Variants in FHIT observed in about 807,000 individuals in gnomAD.
The protein encoded by FHIT is fragile histidine triad diadenosine triphosphatase.
In FHIT, 19 loss-of-function variants were observed where a neutral mutation model predicts 17.9. The observed-to-expected ratio is 1.06, with a 90% confidence interval of 0.74 to 1.56. FHIT has a LOEUF of 1.56. Among genes scored for constraint, FHIT ranks in the 40% most tolerant of loss-of-function variants. The probability of loss-of-function intolerance (pLI) is 0.00; values close to 1 mark genes in which losing one functional copy is unlikely to be tolerated. For synonymous variants in FHIT, 81 were observed against 69.7 expected (o/e 1.16, Z -0.81); for missense variants, 248 against 189.2 (o/e 1.31, Z -1.82).
At chr3:60,273,068 C>A (rs527620460) in intron 5 of FHIT, among the ~76,000 whole-genome samples, 51 of 152,268 alleles carry the variant, frequency 3.3e-4, no homozygotes, top group African/African-American at 1.1e-3. Flanking sequence ...TGGTTTCTTA[C>A]AACATTAGGC....
At chr3:60,011,333 G>T (rs572887410) in intron 7 of FHIT, 38 bp downstream of exon 7, 4 of 1,598,458 alleles carry the variant, frequency 2.5e-6, no homozygotes, top group Admixed American at 1.7e-5. Flanking sequence ...TCTCATAATC[G>T]CCTCTTATTA....
At chr3:59,812,041 G>A (rs2107048496) in intron 8 of FHIT, among the ~76,000 whole-genome samples, 1 of 152,274 alleles carries the variant, frequency 6.6e-6, no homozygotes, top group East Asian at 1.9e-4. Context: ...AACTGGGGGA[G>A]ATTCTGCCCC....
At chr3:60,604,653 C>G (rs1488528944) in intron 4 of FHIT, among the ~76,000 whole-genome samples, 1 of 152,136 alleles carries the variant, frequency 6.6e-6, no homozygotes, top group Non-Finnish European at 1.5e-5. Context: ...ATCAGCTCCC[C>G]TTCTATGCAG....
At chr3:60,929,991 A>T (rs1707859081) in intron 3 of FHIT, among the ~76,000 whole-genome samples, 1 of 152,248 alleles carries the variant, frequency 6.6e-6, no homozygotes, top group Non-Finnish European at 1.5e-5. Context: ...TAATCAAAAC[A>T]GCATGGTACT....
chr3:60,729,368 G>C (rs1553710538), intron 4 of FHIT, among the ~76,000 whole-genome samples: 1 of 152,160 alleles, frequency 6.6e-6, no homozygotes, highest in Admixed American at 6.5e-5. Context: ...AAAAAATAAA[G>C]ACAAAAAATG....
chr3:60,507,954 T>C (rs1364205311), intron 5 of FHIT, among the ~76,000 whole-genome samples: 1 of 152,220 alleles, frequency 6.6e-6, no homozygotes, highest in Non-Finnish European at 1.5e-5. Context: ...TCTATATCTT[T>C]GCTATTGTGA....
At chr3:61,092,979 G>A (rs2035531767) in intron 2 of FHIT, among the ~76,000 whole-genome samples, 1 of 152,156 alleles carries the variant, frequency 6.6e-6, no homozygotes, top group Non-Finnish European at 1.5e-5. Flanking sequence ...CAACTCTGTA[G>A]CTCAGTGAAA....
At chr3:60,210,682 C>T (rs114189044) in intron 5 of FHIT, among the ~76,000 whole-genome samples, 3 of 152,144 alleles carry the variant, frequency 2.0e-5, no homozygotes, top group African/African-American at 7.2e-5. Context: ...CAAATGCAAT[C>T]GAAAACAATA....
At chr3:60,688,585 C>A (rs1242957318) in intron 4 of FHIT, among the ~76,000 whole-genome samples, 1 of 152,010 alleles carries the variant, frequency 6.6e-6, no homozygotes, top group Non-Finnish European at 1.5e-5. Context: ...GCACTCACCA[C>A]AAGGCCAGGC....
chr3:59,777,714 G>A (rs1412107820), intron 8 of FHIT, among the ~76,000 whole-genome samples: 1 of 152,020 alleles, frequency 6.6e-6, no homozygotes, highest in East Asian at 1.9e-4. Flanking sequence ...CTAATGTCAT[G>A]CTAGGCCCTG....
At position 60,309,529 on chromosome 3, in the gene FHIT, T is replaced by G. The variant is rs1576455401; in HGVS notation, c.103+227331A>C. On this transcript the variant is annotated intron_variant, in intron 5 of 9. Coordinates refer to ENST00000492590, the MANE Select transcript of FHIT (RefSeq NM_002012.4). ...GCATAGCAAGGAAATACTCAAGTGG[T>G]GTGACAGAGGACTTTTTACCTTCTA... 2.6e-5 allele frequency among the ~76,000 whole-genome samples: 4 copies of G among 152,180 alleles called. No individual in the cohort carries two copies. In the East Asian group the frequency reaches 7.7e-4, roughly 29 times the overall value.
At chr3:60,183,559 C>A (rs1702034207) in intron 5 of FHIT, among the ~76,000 whole-genome samples, 1 of 152,088 alleles carries the variant, frequency 6.6e-6, no homozygotes, top group Admixed American at 6.6e-5. Context: ...CAGACTTGAC[C>A]AGAGGTTCCA....
At position 61,146,826 on chromosome 3, in the gene FHIT, A is replaced by G. The variant is rs2037239102; in HGVS notation, c.-164+53791T>C. Among the ~76,000 whole-genome samples, 3 of 152,042 alleles carry G rather than the reference A, an allele frequency of 2.0e-5. No homozygotes were observed. The South Asian group carries it at 6.2e-4, about 31-fold the overall frequency. On this transcript the variant is annotated intron_variant, in intron 2 of 9. Coordinates refer to ENST00000492590, the MANE Select transcript of FHIT (RefSeq NM_002012.4). ...CACATGGACATACATCAAAGTCAAA[A>G]AGTTGACAGTTTTGAAAAGTGTAAT...
intron 2 of FHIT, among the ~76,000 whole-genome samples, chr3:61,190,594 G>T (rs2038682678): frequency 3.9e-5 from 6 of 152,056 alleles, no homozygotes; most frequent in African/African-American, 1.4e-4. Context: ...TATACTAAAA[G>T]GATTATAAAT....
At chr3:59,925,529 T>C (rs1409011649) in intron 7 of FHIT, among the ~76,000 whole-genome samples, 1 of 152,186 alleles carries the variant, frequency 6.6e-6, no homozygotes, top group Non-Finnish European at 1.5e-5. Flanking sequence ...GAACCTGCAC[T>C]TGGGAACCTC....
At chr3:59,806,856 CA>C (rs1447704692) in intron 8 of FHIT, among the ~76,000 whole-genome samples, 1 of 151,928 alleles carries the variant, frequency 6.6e-6, no homozygotes, top group Non-Finnish European at 1.5e-5. Flanking sequence ...TGCAAACCAC[CA>C]AAATACAAGT....
At chr3:60,150,083 C>T (rs908119045) in intron 5 of FHIT, among the ~76,000 whole-genome samples, 9 of 147,492 alleles carry the variant, frequency 6.1e-5, no homozygotes, top group Non-Finnish European at 1.3e-4. Flanking sequence ...GCAACCTCTG[C>T]CTCTGGGGTT....
chr3:59,951,860 T>C (rs1204814030), intron 7 of FHIT, among the ~76,000 whole-genome samples: 2 of 152,198 alleles, frequency 1.3e-5, no homozygotes, highest in African/African-American at 2.4e-5. Flanking sequence ...GAAATGGGAT[T>C]GGTCTTCTCC....
chr3:60,063,905 T>A (rs1702394424), intron 5 of FHIT, among the ~76,000 whole-genome samples: 1 of 152,184 alleles, frequency 6.6e-6, no homozygotes, highest in East Asian at 1.9e-4. Flanking sequence ...CTATTAAGAA[T>A]AATGAGGTAG....
Sources: allele counts gnomAD v4.1 joint callset (sites outside exome capture counted in the v4.1 genomes callset), GRCh38; gene constraint gnomAD v4.1.1; transcripts MANE v1.5; gene names NCBI Gene and HGNC (gene_info 2026-07-23, HGNC 2026-07-21).